The following ROBO1 variants were observed in gnomAD, a reference collection of about 807,000 sequenced individuals.
ROBO1 encodes the protein roundabout guidance receptor 1.
A neutral mutation model predicts 195.9 loss-of-function variants in ROBO1; 149 were observed. The ratio of observed to expected loss-of-function variants is 0.76; its 90% CI spans 0.67 to 0.87. The LOEUF (loss-of-function observed/expected upper bound fraction) is 0.87. ROBO1 is among the 40% of genes least tolerant of loss of function. ROBO1 has a pLI of 0.00. For synonymous variants in ROBO1, 816 were observed against 733.2 expected, an observed-to-expected ratio of 1.11 and a Z score of -1.82; for missense variants, 1,933 against 2,068.3, an observed-to-expected ratio of 0.93 and a Z score of 1.27.
At chr3:79,077,924 T>A (rs1419180551) in intron 3 of ROBO1, among the ~76,000 whole-genome samples, 1 of 151,866 alleles carries the variant, frequency 6.6e-6, no homozygotes, top group Non-Finnish European at 1.5e-5. Context: ...TACAGTTTAG[T>A]GTATGACAAA....
At chr3:78,961,150 A>T (rs940601854) in intron 3 of ROBO1, among the ~76,000 whole-genome samples, 1 of 152,188 alleles carries the variant, frequency 6.6e-6, no homozygotes, top group Non-Finnish European at 1.5e-5. Flanking sequence ...ATACTTCTGC[A>T]ACCTTTGAAC....
intron 2 of ROBO1, among the ~76,000 whole-genome samples, chr3:79,432,927 T>C (rs535902331): frequency 1.3e-5 from 2 of 152,312 alleles, no homozygotes; most frequent in African/African-American, 4.8e-5. Flanking sequence ...CAAAGTTGTT[T>C]CCTAAGGATT....
Position 78,651,941 on chromosome 3 carries a change from T to A in ROBO1, c.2615-12A>T, listed in dbSNP as rs370827993. ...GTTTCCATGGGCATCTGAAAAGTCA[T>A]CTTCCGATTAATTTGGGTTGAAGAC... On this transcript the variant is annotated splice_polypyrimidine_tract_variant and intron_variant, in intron 18 of 30. Transcript: ENST00000464233. 3.7e-6 allele frequency: 6 copies of A among 1,608,866 alleles called. No homozygotes were observed. The highest frequency in any genetic ancestry group is 5.1e-6 in the Non-Finnish European group (6 of 1,177,036).
chr3:78,842,846 A>C (rs894395717), intron 4 of ROBO1, among the ~76,000 whole-genome samples: 1 of 152,004 alleles, frequency 6.6e-6, no homozygotes, highest in African/African-American at 2.4e-5. Context: ...TGATGCAGTG[A>C]GTTAACTCTA....
intron 4 of ROBO1, among the ~76,000 whole-genome samples, chr3:78,811,699 T>C (rs1008934212): frequency 2.0e-5 from 3 of 152,162 alleles, no homozygotes; most frequent in Non-Finnish European, 4.4e-5. Context: ...CTAGTCGCTA[T>C]TCCTCTAGCC....
intron 1 of ROBO1, among the ~76,000 whole-genome samples, chr3:79,625,423 G>GAAAAAAAAAAA: frequency 4.3e-4 from 6 of 13,880 alleles, no homozygotes; most frequent in African/African-American, 6.8e-4. Context: ...TGTTTTTTTT[G>GAAAAAAAAAAA]AAAAAAAAAA....
chr3:79,469,335 T>C (rs540867914), intron 2 of ROBO1, among the ~76,000 whole-genome samples: 1 of 152,258 alleles, frequency 6.6e-6, no homozygotes, highest in South Asian at 2.1e-4. Context: ...ACTGAAATAA[T>C]GAGAAGTAAT....
At chr3:79,047,810 GAAGA>G (rs2078623094) in intron 3 of ROBO1, among the ~76,000 whole-genome samples, 1 of 152,078 alleles carries the variant, frequency 6.6e-6, no homozygotes, top group Non-Finnish European at 1.5e-5. Context: ...GGACGTCCTA[GAAGA>G]AAGATGAGGA....
At chr3:79,217,069 T>C (rs1206824215) in intron 2 of ROBO1, among the ~76,000 whole-genome samples, 1 of 152,106 alleles carries the variant, frequency 6.6e-6, no homozygotes, top group East Asian at 1.9e-4. Flanking sequence ...CTTTTCATTC[T>C]CTTCATTACC....
At chr3:78,879,495 A>G (rs966843974) in intron 4 of ROBO1, among the ~76,000 whole-genome samples, 1 of 151,784 alleles carries the variant, frequency 6.6e-6, no homozygotes, top group Non-Finnish European at 1.5e-5. Flanking sequence ...ATAAAAATTC[A>G]TGAACATCAT....
chr3:78,883,367 G>C (rs957584608), intron 4 of ROBO1, among the ~76,000 whole-genome samples: 7 of 151,858 alleles, frequency 4.6e-5, no homozygotes. Flanking sequence ...ACACCTGTTT[G>C]TCTTCAACCA....
At chr3:78,680,754 C>T (rs896970332) in intron 10 of ROBO1, among the ~76,000 whole-genome samples, 22 of 145,694 alleles carry the variant, frequency 1.5e-4, no homozygotes, top group Non-Finnish European at 2.6e-4. Flanking sequence ...ACTAGTTCAA[C>T]CATTGTGGAA....
At chr3:79,162,746 G>T (rs780686064) in intron 2 of ROBO1, among the ~76,000 whole-genome samples, 6 of 152,118 alleles carry the variant, frequency 3.9e-5, no homozygotes, top group Admixed American at 1.3e-4. Flanking sequence ...TTGTCTTACT[G>T]TAAAGCCTAT....
At chr3:79,531,009 C>T (rs542964988) in intron 2 of ROBO1, among the ~76,000 whole-genome samples, 11 of 152,170 alleles carry the variant, frequency 7.2e-5, no homozygotes, top group African/African-American at 2.6e-4. Flanking sequence ...GACATTTTTT[C>T]CACCAGCACT....
intron 2 of ROBO1, among the ~76,000 whole-genome samples, chr3:79,208,190 TCACTCATGACTAGGTTACGTGTCCTCCC>T (rs1434745839): frequency 6.6e-6 from 1 of 152,192 alleles, no homozygotes; most frequent in Non-Finnish European, 1.5e-5. Context: ...CTCTCCAGTA[TCACTCATGACTAGGTTACGTGTCCTCCC>T]CACTCATAAG....
intron 2 of ROBO1, among the ~76,000 whole-genome samples, chr3:79,174,700 A>G (rs1034081875): frequency 3.5e-5 from 5 of 143,394 alleles, no homozygotes; most frequent in Admixed American, 2.0e-4. Flanking sequence ...CGTCTCTACT[A>G]AAAATACAAA....
At chr3:79,515,705 T>C (rs1459712930) in intron 2 of ROBO1, among the ~76,000 whole-genome samples, 1 of 152,222 alleles carries the variant, frequency 6.6e-6, no homozygotes, top group Admixed American at 6.5e-5. Context: ...AATATTGATT[T>C]GACTGAAACC....
At chr3:78,953,509 G>C (rs1413917360) in intron 3 of ROBO1, among the ~76,000 whole-genome samples, 1 of 151,894 alleles carries the variant, frequency 6.6e-6, no homozygotes, top group Non-Finnish European at 1.5e-5. Context: ...ATATGAAATA[G>C]AATCCCTGAT....
At chr3:79,430,800 T>C (rs2038644562) in intron 2 of ROBO1, among the ~76,000 whole-genome samples, 1 of 152,156 alleles carries the variant, frequency 6.6e-6, no homozygotes, top group South Asian at 2.1e-4. Context: ...CCCAATGTCT[T>C]ATTCAGTTAA....
Sources: allele counts gnomAD v4.1 joint callset (sites outside exome capture counted in the v4.1 genomes callset), GRCh38; gene constraint gnomAD v4.1.1; transcripts MANE v1.5; gene names NCBI Gene and HGNC (gene_info 2026-07-23, HGNC 2026-07-21).